Variants in MARCHF4 observed in about 807,000 individuals in gnomAD.
The protein encoded by MARCHF4 is E3 ubiquitin-protein ligase MARCHF4.
In MARCHF4, 14 loss-of-function variants were observed where a neutral mutation model predicts 43.9. The ratio of observed to expected loss-of-function variants is 0.32; its 90% CI spans 0.21 to 0.50. The LOEUF is 0.50. Among genes scored for constraint, MARCHF4 ranks in the 20% least tolerant of loss-of-function variants. The pLI is 0.98. For missense variants in MARCHF4, 468 were observed against 536.7 expected, an observed-to-expected ratio of 0.87 and a Z score of 1.27; for synonymous variants, 226 against 213.3, an observed-to-expected ratio of 1.06 and a Z score of -0.52.
chr2:216,351,174 T>G (rs1350015104), intron 1 of MARCHF4, among the ~76,000 whole-genome samples: 3 of 152,202 alleles, frequency 2.0e-5, no homozygotes, highest in Admixed American at 1.3e-4. Flanking sequence ...AGTGAATAGT[T>G]TCTAGAGTGG....
intron 1 of MARCHF4, among the ~76,000 whole-genome samples, chr2:216,315,781 T>TGA (rs780257277): frequency 2.0e-5 from 3 of 151,574 alleles, no homozygotes; most frequent in Non-Finnish European, 4.4e-5. Flanking sequence ...ATATTTTATA[T>TGA]GACCTTTTTA....
intron 1 of MARCHF4, among the ~76,000 whole-genome samples, chr2:216,356,459 A>G (rs1408358992): frequency 6.6e-6 from 1 of 152,200 alleles, no homozygotes; most frequent in Non-Finnish European, 1.5e-5. Flanking sequence ...TAAATTCCAC[A>G]CAGTTCTATG....
At chr2:216,291,255 G>A (rs919449271) in intron 1 of MARCHF4, among the ~76,000 whole-genome samples, 1 of 152,142 alleles carries the variant, frequency 6.6e-6, no homozygotes, top group Non-Finnish European at 1.5e-5. Flanking sequence ...AAGAAAACAG[G>A]GAGTAATGGA....
chr2:216,302,353 G>A (rs1478589612), intron 1 of MARCHF4, among the ~76,000 whole-genome samples: 1 of 151,418 alleles, frequency 6.6e-6, no homozygotes, highest in African/African-American at 2.4e-5. Context: ...CAAGTAGCTG[G>A]GACTACAGGC....
In MARCHF4 at chr2:216,355,821, T is replaced by G. The variant is rs1001166699; in HGVS notation, c.516+13924A>C. On this transcript the variant is annotated intron_variant, in intron 1 of 3. Transcript: ENST00000273067. The stretch of plus-strand genomic sequence containing the variant: ...CAAATGGGCCAACCCCTGGAGTGCC[T>G]TTTTTCTTCTGTGTTAAAAAGTTGC... 3.9e-5 allele frequency among the ~76,000 whole-genome samples: 6 copies of G among 152,206 alleles called. No homozygotes were observed. In the East Asian group the frequency reaches 1.2e-3, roughly 29 times the overall value.
intron 1 of MARCHF4, among the ~76,000 whole-genome samples, chr2:216,332,944 G>A (rs1007595844): frequency 1.3e-5 from 2 of 152,156 alleles, no homozygotes; most frequent in Non-Finnish European, 2.9e-5. Flanking sequence ...AATAGTTGCT[G>A]TGTAAATTGC....
At chr2:216,296,532 T>C (rs1280942152) in intron 1 of MARCHF4, among the ~76,000 whole-genome samples, 2 of 152,152 alleles carry the variant, frequency 1.3e-5, no homozygotes, top group African/African-American at 4.8e-5. Context: ...GGTAGGGCTG[T>C]GAGCTTGTGT....
Position 216,258,516 on chromosome 2 carries a change from G to GTGTA in MARCHF4, c.*795_*796insTACA, listed in dbSNP as rs1334609009. ...TGTACTTTTCTCTAGGGGTGTGTGTGTGTGTGTGTGTGTGTGTGTGTGTGT... is the reference window on the plus strand; with the variant it reads ...TGTACTTTTCTCTAGGGGTGTGTGTGTGTATGTGTGTGTGTGTGTGTGTGTGTGT... On this transcript the variant is annotated 3_prime_UTR_variant, in exon 4 of 4. Coordinates refer to ENST00000273067, the MANE Select transcript of MARCHF4 (RefSeq NM_020814.3). 6.7e-6 allele frequency: 1 copy of GTGTA among 148,444 alleles called. No homozygotes were observed. The highest frequency in any genetic ancestry group is 1.5e-5 in the Non-Finnish European group (1 of 68,690). The allele number at this position is 148,444 out of a possible 1,614,324, so 9.2% of individuals were successfully genotyped here.
At chr2:216,354,910 T>TCTTCCTTC (rs1559106524) in intron 1 of MARCHF4, among the ~76,000 whole-genome samples, 2 of 85,520 alleles carry the variant, frequency 2.3e-5, no homozygotes, top group East Asian at 3.6e-4. Context: ...TTTCTTTCTT[T>TCTTCCTTC]CTTTCTTTCT....
At chr2:216,346,297 C>G (rs1478735874) in intron 1 of MARCHF4, among the ~76,000 whole-genome samples, 1 of 149,642 alleles carries the variant, frequency 6.7e-6, no homozygotes, top group East Asian at 2.0e-4. Flanking sequence ...CAAAGGCAAG[C>G]TCTGCTTCTT....
At chr2:216,295,501 G>A (rs781301246) in intron 1 of MARCHF4, among the ~76,000 whole-genome samples, 6 of 152,232 alleles carry the variant, frequency 3.9e-5, no homozygotes, top group South Asian at 2.1e-4. Flanking sequence ...CACTGCACCC[G>A]GCTGTGAGAT....
chr2:216,336,741 T>TA (rs779932039), intron 1 of MARCHF4, among the ~76,000 whole-genome samples: 13 of 54,110 alleles, frequency 2.4e-4, no homozygotes, highest in South Asian at 1.7e-3. Flanking sequence ...GCAAATAGAT[T>TA]TAAAAAAAAA....
intron 1 of MARCHF4, among the ~76,000 whole-genome samples, chr2:216,334,607 C>G (rs1467666167): frequency 5.3e-5 from 8 of 152,076 alleles, no homozygotes; most frequent in African/African-American, 1.9e-4. Context: ...TGCTTCCTTG[C>G]CCAGCCTGGT....
intron 3 of MARCHF4, among the ~76,000 whole-genome samples, chr2:216,272,919 C>T (rs1253841257): frequency 6.6e-6 from 1 of 152,220 alleles, no homozygotes; most frequent in Non-Finnish European, 1.5e-5. Flanking sequence ...CTCAGACTTT[C>T]CTGGCAGTCA....
chr2:216,291,918 T>C (rs1408891615), intron 1 of MARCHF4, among the ~76,000 whole-genome samples: 2 of 152,216 alleles, frequency 1.3e-5, no homozygotes, highest in East Asian at 3.8e-4. Flanking sequence ...CCACCAAATT[T>C]ACCCACATCC....
chr2:216,369,723 G>C (rs1025242342), intron 1 of MARCHF4, 22 bp downstream of exon 1: 21 of 1,534,822 alleles, frequency 1.4e-5, no homozygotes, highest in Non-Finnish European at 1.8e-5. Flanking sequence ...CAGGAAGCAG[G>C]AGAAGAGAAA....
chr2:216,282,255 G>A (rs1691140968), intron 2 of MARCHF4, among the ~76,000 whole-genome samples: 1 of 152,030 alleles, frequency 6.6e-6, no homozygotes, highest in South Asian at 2.1e-4. Context: ...TTCCAGAAAT[G>A]CCCTGCAACC....
intron 1 of MARCHF4, among the ~76,000 whole-genome samples, chr2:216,354,923 CTTTCTTTCTTTCTTTCT>C (rs1692466735): frequency 8.2e-6 from 1 of 121,840 alleles, no homozygotes; most frequent in African/African-American, 3.4e-5. Context: ...TTCTTTCTTT[CTTTCTTTCTTTCTTTCT>C]TTCTTTCTTT....
chr2:216,282,387 C>T (rs1485427152), intron 2 of MARCHF4, among the ~76,000 whole-genome samples: 2 of 152,034 alleles, frequency 1.3e-5, no homozygotes, highest in Non-Finnish European at 2.9e-5. Context: ...GCTGTGGGTG[C>T]TTCCAGCTGC....
Sources: allele counts gnomAD v4.1 joint callset (sites outside exome capture counted in the v4.1 genomes callset), GRCh38; gene constraint gnomAD v4.1.1; transcripts MANE v1.5; gene names NCBI Gene and HGNC (gene_info 2026-07-23, HGNC 2026-07-21).